The following PSD3 variants were observed in gnomAD, a reference collection of about 807,000 sequenced individuals.
PSD3 encodes the protein pleckstrin and Sec7 domain containing 3.
PSD3 carries 49 observed loss-of-function variants against 105.5 expected under a neutral mutation model. That is an observed-to-expected ratio of 0.46 (90% confidence interval 0.37 to 0.59). The LOEUF (loss-of-function observed/expected upper bound fraction) is 0.59, where lower values mean the gene tolerates loss of function less well. Among genes scored for constraint, PSD3 ranks in the 20% least tolerant of loss-of-function variants. The pLI, the probability that PSD3 is intolerant of heterozygous loss-of-function variation, is 0.00. For missense variants in PSD3, 1,561 were observed against 1,263.8 expected (o/e 1.24, Z -3.57); for synonymous variants, 557 against 457.8 (o/e 1.22, Z -2.77).
chr8:18,876,172 C>T (rs1817725085), intron 2 of PSD3, among the ~76,000 whole-genome samples: 1 of 151,998 alleles, frequency 6.6e-6, no homozygotes, highest in African/African-American at 2.4e-5. Flanking sequence ...AGCAAACCTC[C>T]CAGTTCAGCC....
intron 9 of PSD3, among the ~76,000 whole-genome samples, chr8:18,701,302 T>C (rs1404969497): frequency 6.6e-6 from 1 of 152,120 alleles, no homozygotes; most frequent in African/African-American, 2.4e-5. Flanking sequence ...ATACTGTAAG[T>C]AAAATAGTTT....
chr8:18,630,235 C>G (rs572562369), intron 11 of PSD3, among the ~76,000 whole-genome samples: 1 of 151,772 alleles, frequency 6.6e-6, no homozygotes, highest in Admixed American at 6.6e-5. Flanking sequence ...CTTGACCAAT[C>G]AGAAATTCTC....
intron 1 of PSD3, among the ~76,000 whole-genome samples, chr8:18,975,250 T>C (rs1451779326): frequency 7.3e-5 from 11 of 150,852 alleles, no homozygotes; most frequent in African/African-American, 2.4e-4. Context: ...TGCAGAAAAA[T>C]AAAAATAAAA....
At chr8:18,772,038 T>C (rs930809305) in intron 8 of PSD3, among the ~76,000 whole-genome samples, 2 of 152,240 alleles carry the variant, frequency 1.3e-5, no homozygotes, top group African/African-American at 4.8e-5. Flanking sequence ...GGTTCATCCA[T>C]GTTGTAGCAT....
chr8:18,906,207 C>T (rs564797524), intron 2 of PSD3, among the ~76,000 whole-genome samples: 185 of 152,246 alleles, frequency 1.2e-3, no homozygotes, highest in Middle Eastern at 6.8e-3. Flanking sequence ...AACATTTATA[C>T]GAATTTTTCA....
At chr8:18,583,993 G>A (rs1395431612) in intron 12 of PSD3, among the ~76,000 whole-genome samples, 1 of 152,108 alleles carries the variant, frequency 6.6e-6, no homozygotes, top group Non-Finnish European at 1.5e-5. Flanking sequence ...AAGTTCAGCT[G>A]ATACTGGATA....
chr8:18,683,638 T>G, intron 9 of PSD3: 1 of 608,244 alleles, frequency 1.6e-6, no homozygotes, highest in Non-Finnish European at 3.0e-6. Flanking sequence ...TGATCGCACC[T>G]GATTCTCTTA....
At chr8:18,731,394 T>C (rs1051031478) in intron 9 of PSD3, among the ~76,000 whole-genome samples, 3 of 152,198 alleles carry the variant, frequency 2.0e-5, no homozygotes, top group East Asian at 1.9e-4. Context: ...GAAAGTGACA[T>C]TGGAAGATTC....
chr8:18,667,725 A>G (rs1287427553), intron 9 of PSD3, among the ~76,000 whole-genome samples: 1 of 152,178 alleles, frequency 6.6e-6, no homozygotes, highest in African/African-American at 2.4e-5. Context: ...GCTGCGGAGC[A>G]GGGGGCGGTA....
At chr8:18,949,079 G>A (rs1199767114) in intron 1 of PSD3, among the ~76,000 whole-genome samples, 14 of 149,352 alleles carry the variant, frequency 9.4e-5, no homozygotes, top group East Asian at 5.9e-4. Context: ...AAAATTAGCC[G>A]GGCGTGGTGG....
chr8:18,825,758 T>C (rs756468815), intron 4 of PSD3, among the ~76,000 whole-genome samples: 7 of 152,208 alleles, frequency 4.6e-5, no homozygotes, highest in Admixed American at 2.0e-4. Flanking sequence ...ACGCAACTCA[T>C]TGCTGGCTTT....
chr8:18,986,029 G>A (rs1052697790), intron 1 of PSD3, among the ~76,000 whole-genome samples: 10 of 152,110 alleles, frequency 6.6e-5, no homozygotes, highest in African/African-American at 2.2e-4. Flanking sequence ...AAAATGTAGG[G>A]TAGCACAGCA....
chr8:18,844,062 A>G (rs963607894), intron 4 of PSD3, among the ~76,000 whole-genome samples: 1 of 152,270 alleles, frequency 6.6e-6, no homozygotes, highest in African/African-American at 2.4e-5. Context: ...CCCACAAGAC[A>G]GATGTCCAGC....
At chr8:18,808,292 T>C (rs1811382608) in intron 4 of PSD3, among the ~76,000 whole-genome samples, 1 of 152,228 alleles carries the variant, frequency 6.6e-6, no homozygotes, top group Admixed American at 6.5e-5. Flanking sequence ...CACTACTCAC[T>C]GCTCATTTCC....
chr8:18,788,298 C>T (rs773793532), intron 8 of PSD3, among the ~76,000 whole-genome samples: 8 of 152,144 alleles, frequency 5.3e-5, no homozygotes, highest in Non-Finnish European at 1.0e-4. Context: ...GTTGCAATAA[C>T]GAGAGCAAAG....
In PSD3 at chr8:18,873,727, C is replaced by T. The variant is rs144200977; in HGVS notation, c.131-994G>A. Among the ~76,000 whole-genome samples, 34 of 152,284 alleles carry T rather than the reference C, an allele frequency of 2.2e-4. No homozygotes were observed. In the East Asian group the frequency reaches 6.4e-3, roughly 29 times the overall value. On this transcript the variant is annotated intron_variant, in intron 2 of 15. Coordinates refer to ENST00000327040, the MANE Select transcript of PSD3 (RefSeq NM_015310.4). Reference sequence around the variant, plus strand: ...TTGTATCCTTTGACCAGCACCTCCCCAATCCCACCACCCACCAGTCCCTGG... The same window carrying T: ...TTGTATCCTTTGACCAGCACCTCCCTAATCCCACCACCCACCAGTCCCTGG...
intron 1 of PSD3, among the ~76,000 whole-genome samples, chr8:18,983,249 G>A (rs1324834251): frequency 6.6e-6 from 1 of 152,190 alleles, no homozygotes; most frequent in Non-Finnish European, 1.5e-5. Context: ...TCTGAATTAG[G>A]TTTTGTTTTA....
intron 9 of PSD3, among the ~76,000 whole-genome samples, chr8:18,702,953 G>A (rs933877461): frequency 6.6e-6 from 1 of 152,090 alleles, no homozygotes; most frequent in African/African-American, 2.4e-5. Flanking sequence ...ACTGCTTTGT[G>A]TAGTGCCTGC....
intron 2 of PSD3, among the ~76,000 whole-genome samples, chr8:18,922,229 GT>G (rs1821068252): frequency 6.6e-6 from 1 of 152,118 alleles, no homozygotes; most frequent in South Asian, 2.1e-4. Flanking sequence ...AGGACCTAAA[GT>G]TTACTCTAAC....
Sources: allele counts gnomAD v4.1 joint callset (sites outside exome capture counted in the v4.1 genomes callset), GRCh38; gene constraint gnomAD v4.1.1; transcripts MANE v1.5; gene names NCBI Gene and HGNC (gene_info 2026-07-23, HGNC 2026-07-21).